Variants in CABIN1 observed in about 807,000 individuals in gnomAD.
CABIN1 encodes calcineurin-binding protein cabin-1.
In CABIN1, 133 loss-of-function variants were observed where a neutral mutation model predicts 227.7. The ratio of observed to expected loss-of-function variants is 0.58; its 90% CI spans 0.51 to 0.67. CABIN1 has a LOEUF of 0.67. Among genes scored for constraint, CABIN1 ranks in the 30% least tolerant of loss-of-function variants. CABIN1 has a pLI of 0.00. For missense variants in CABIN1, 2,408 were observed against 2,852.5 expected (o/e 0.84, Z 3.55); for synonymous variants, 1,086 against 1,155.1 (o/e 0.94, Z 1.21).
intron 29 of CABIN1, among the ~76,000 whole-genome samples, chr22:24,143,991 GC>G (rs1047714075): frequency 1.3e-5 from 2 of 152,220 alleles, no homozygotes; most frequent in African/African-American, 4.8e-5. Flanking sequence ...CCAAAGGGAT[GC>G]TTGTCAAGTG....
At position 24,085,107 on chromosome 22, in the gene CABIN1, G is replaced by A; in HGVS notation, c.3219G>A (p.Lys1073=). 1 of 1,614,202 alleles carries A rather than the reference G, an allele frequency of 6.2e-7. No homozygotes were observed. The highest frequency in any genetic ancestry group is 8.5e-7 in the Non-Finnish European group (1 of 1,180,040). ...DYHFKNKEQS[K]AIKFYMHDIC... ...ATTTCAAAAACAAGGAGCAGTCCAA[G>A]GCCATCAAGTTCTACATGCATGACA... Residue 1073 remains lysine (K), a synonymous_variant, in exon 22 of 37, where the codon AAG becomes AAA. Transcript: ENST00000263119.
chr22:24,062,949 T>C lies in CABIN1; in HGVS notation c.1697-10T>C. On this transcript the variant is annotated splice_polypyrimidine_tract_variant and intron_variant, in intron 13 of 36. Transcript: ENST00000263119. ...ACATGAAGTTGACTCGTTGGCCTGA[T>C]GGTTTTTAGTGTCTCCTCGGAACTG... The C allele has an allele frequency of 6.2e-7, 1 of 1,613,822 alleles. No homozygotes were observed. Among genetic ancestry groups the C allele is most frequent in the Admixed American group, 1.7e-5 (1 of 60,026 alleles).
intron 1 of CABIN1, among the ~76,000 whole-genome samples, chr22:24,015,206 C>T (rs1352060112): frequency 7.7e-6 from 1 of 130,410 alleles, no homozygotes; most frequent in African/African-American, 2.9e-5. Context: ...GCAGATGTTG[C>T]AGTGAGCCGA....
chr22:24,014,040 C>A (rs1218091949), intron 1 of CABIN1, among the ~76,000 whole-genome samples: 2 of 152,196 alleles, frequency 1.3e-5, no homozygotes, highest in Non-Finnish European at 2.9e-5. Flanking sequence ...CAGGTTTCTA[C>A]ACCATAAAAT....
chr22:24,174,078 C>T (rs2046977949), intron 34 of CABIN1, among the ~76,000 whole-genome samples: 1 of 151,464 alleles, frequency 6.6e-6, no homozygotes, highest in African/African-American at 2.4e-5. Flanking sequence ...CTCCTGACCT[C>T]AGGTGATCCG....
At position 24,013,719 on chromosome 22, in the gene CABIN1, G is replaced by A. The variant is rs546840167; in HGVS notation, c.-75+2352G>A. On this transcript the variant is annotated intron_variant, in intron 1 of 36. Transcript: ENST00000263119. ...AATTAAGGTTGTGTTTTCATTCCAG[G>A]ACCCTATCCAAGATCCCATGTTGCA... Among the ~76,000 whole-genome samples the A allele has an allele frequency of 2.6e-5, 4 of 152,168 alleles. No individual in the cohort carries two copies. The South Asian group carries it at 6.2e-4, about 24-fold the overall frequency.
chr22:24,024,866 T>TA (rs2035972763), intron 1 of CABIN1, among the ~76,000 whole-genome samples: 2 of 151,972 alleles, frequency 1.3e-5, no homozygotes. Flanking sequence ...TTCTGTCTCT[T>TA]TAGTGATAAT....
intron 24 of CABIN1, among the ~76,000 whole-genome samples, chr22:24,095,658 AT>A (rs545005494): frequency 8.5e-4 from 129 of 152,314 alleles, no homozygotes; most frequent in Non-Finnish European, 1.5e-3. Context: ...CTGAAGGGTT[AT>A]CATAATGAGT....
intron 29 of CABIN1, among the ~76,000 whole-genome samples, chr22:24,151,178 G>A (rs973687269): frequency 6.6e-6 from 1 of 152,116 alleles, no homozygotes; most frequent in African/African-American, 2.4e-5. Context: ...CTACCAGAGT[G>A]CCTGTTCCCG....
intron 19 of CABIN1, among the ~76,000 whole-genome samples, chr22:24,076,759 T>C (rs1271416530): frequency 6.6e-6 from 1 of 152,180 alleles, no homozygotes; most frequent in African/African-American, 2.4e-5. Context: ...TGAGAGCACA[T>C]ACACTTCCTT....
In CABIN1 at chr22:24,043,013, G is replaced by A. The variant is rs748454223; in HGVS notation, c.455G>A (p.Arg152Gln). The change falls in exon 6 of 37, where the codon CGG (arginine) becomes CAG (glutamine). Residue 152 changes from arginine (R) to glutamine (Q), a missense_variant. This residue lies in a region of CABIN1 where 1,045 missense variants were observed against 1,168.4 expected (regional missense o/e 0.89). Transcript: ENST00000263119. Reference sequence around the variant, plus strand: ...CGCCATGCTTTTGAGGAAGGGCTGCGGTGCAATCCTGACCACTGGCCCTGT... The same window carrying A: ...CGCCATGCTTTTGAGGAAGGGCTGCAGTGCAATCCTGACCACTGGCCCTGT... ...LARHAFEEGL[R>Q]CNPDHWPCLD... is the part of the protein sequence containing the mutation. 65 of 1,613,840 alleles carry A rather than the reference G, an allele frequency of 4.0e-5. No individual in the cohort carries two copies. In the East Asian group the frequency reaches 1.2e-3, roughly 31 times the overall value.
intron 5 of CABIN1, 58 bp from the exon 6 acceptor site, chr22:24,042,818 CTGTGTGTGTGTGTGTGTGTGTGTGTGTG>C (rs56070926): frequency 6.8e-5 from 47 of 687,210 alleles, no homozygotes; most frequent in Middle Eastern, 4.6e-4. Context: ...AGAGATCTGA[CTGTGTGTGTGTGTGTGTGTGTGTGTGTG>C]TGTGTGTGTG....
chr22:24,119,314 A>G, intron 27 of CABIN1, 53 bp from the exon 28 acceptor site: 17 of 1,501,614 alleles, frequency 1.1e-5, no homozygotes, highest in Non-Finnish European at 1.6e-5. Flanking sequence ...AGACCACTGC[A>G]TGGACAGGGC....
intron 12 of CABIN1, 117 bp downstream of exon 12, chr22:24,060,258 AC>A: frequency 9.7e-7 from 1 of 1,035,832 alleles, no homozygotes; most frequent in Non-Finnish European, 1.5e-6. Context: ...TGGGCCTGGA[AC>A]CTGGTTTTTT....
At chr22:24,132,888 GC>G (rs1484748186) in intron 28 of CABIN1, among the ~76,000 whole-genome samples, 1 of 152,124 alleles carries the variant, frequency 6.6e-6, no homozygotes, top group Non-Finnish European at 1.5e-5. Flanking sequence ...GCGCCCAGCT[GC>G]TGGGGACACT....
At chr22:24,058,823 A>AC (rs755668447) in intron 10 of CABIN1, among the ~76,000 whole-genome samples, 11 of 152,012 alleles carry the variant, frequency 7.2e-5, no homozygotes, top group Non-Finnish European at 1.5e-4. Context: ...GGCCCTTTTG[A>AC]CCCATAGTCT....
intron 28 of CABIN1, 150 bp downstream of exon 28, chr22:24,119,848 GC>G: frequency 1.2e-6 from 1 of 841,406 alleles, no homozygotes. Context: ...GGCAGGGCCA[GC>G]CCCAGGAGTG....
chr22:24,042,138 T>G (rs1282901069), intron 5 of CABIN1, among the ~76,000 whole-genome samples: 3 of 152,170 alleles, frequency 2.0e-5, no homozygotes, highest in African/African-American at 7.2e-5. Flanking sequence ...GTATTTTTAG[T>G]AGAGATGGAG....
chr22:24,083,327 C>T lies in CABIN1; in HGVS notation c.2848C>T (p.Leu950=). The change falls in exon 20 of 37, where the codon CTG becomes TTG. Residue 950 remains leucine (L), a synonymous_variant. Transcript: ENST00000263119. ...AGCCTTGGAGCAGTGCTTCTACTGCCTGTACAGCTTCCCCAGCAAGAAGAG... is the reference window on the plus strand; with the variant it reads ...AGCCTTGGAGCAGTGCTTCTACTGCTTGTACAGCTTCCCCAGCAAGAAGAG... ...ETALEQCFYC[L]YSFPSKKSKA... is the part of the protein sequence containing the mutation. 1 of 1,613,904 alleles carries T rather than the reference C, an allele frequency of 6.2e-7. No individual in the cohort carries two copies. Among genetic ancestry groups the T allele is most frequent in the Non-Finnish European group, 8.5e-7 (1 of 1,180,032 alleles).
Sources: allele counts gnomAD v4.1 joint callset (sites outside exome capture counted in the v4.1 genomes callset), GRCh38; gene constraint gnomAD v4.1.1; regional missense constraint gnomAD v4.1.1; transcripts MANE v1.5; gene names NCBI Gene and HGNC (gene_info 2026-07-23, HGNC 2026-07-21).